Variants in ABCA13 observed in about 807,000 individuals in gnomAD.
ABCA13 encodes the protein ATP-binding cassette sub-family A member 13.
A neutral mutation model predicts 478.7 loss-of-function variants in ABCA13; 476 were observed. The observed-to-expected ratio is 0.99, with a 90% CI of 0.92 to 1.07. The LOEUF (loss-of-function observed/expected upper bound fraction) is 1.07. ABCA13 is among the 50% of genes least tolerant of loss of function. The pLI, the probability that ABCA13 is intolerant of heterozygous loss-of-function variation, is 0.00. For synonymous variants in ABCA13, 2,252 were observed against 2,158.9 expected (o/e 1.04, Z -1.20); for missense variants, 6,060 against 5,910.6 (o/e 1.03, Z -0.83).
At chr7:48,627,124 T>C in intron 59 of ABCA13, 1 of 857,674 alleles carries the variant, frequency 1.2e-6, no homozygotes, top group Non-Finnish European at 1.4e-6. Flanking sequence ...TTATTTAATC[T>C]TTATTACGTA....
chr7:48,390,200 A>G (rs530968239), intron 37 of ABCA13, among the ~76,000 whole-genome samples: 1 of 152,302 alleles, frequency 6.6e-6, no homozygotes, highest in Admixed American at 6.5e-5. Flanking sequence ...CTTGTTTAGC[A>G]GAATGATGAG....
intron 55 of ABCA13, among the ~76,000 whole-genome samples, chr7:48,579,152 A>C (rs558141338): frequency 8.5e-5 from 13 of 152,376 alleles, no homozygotes; most frequent in Admixed American, 3.9e-4. Flanking sequence ...TCATTAAAGT[A>C]CATTTCTGCT....
chr7:48,391,851 C>T (rs902355226), intron 37 of ABCA13, 70 bp from the exon 38 acceptor site: 1 of 1,452,424 alleles, frequency 6.9e-7, no homozygotes, highest in Non-Finnish European at 9.5e-7. Flanking sequence ...CATCCTGGAG[C>T]TGACTGGATT....
In ABCA13 at chr7:48,646,575, A is replaced by G. The variant is rs1795448433; in HGVS notation, c.*1063A>G. 6.6e-6 allele frequency: 1 copy of G among 151,552 alleles called. No individual in the cohort carries two copies. The highest frequency in any genetic ancestry group is 2.1e-4 in the South Asian group (1 of 4,804). 9.4% of individuals were successfully genotyped at this position (151,552 alleles called of 1,614,324 possible). A position where few individuals can be genotyped will look rare whatever the true frequency, so the allele number is the denominator to read the frequency against. On this transcript the variant is annotated 3_prime_UTR_variant, in exon 62 of 62. Coordinates refer to ENST00000435803, the MANE Select transcript of ABCA13 (RefSeq NM_152701.5). ...CGCTCTGTCACCCAGGCTGGAGTGC[A>G]GTGGCGCGATGTCGGCTCACTGCAA...
At chr7:48,300,574 A>G (rs1253080868) in intron 23 of ABCA13, among the ~76,000 whole-genome samples, 2 of 152,250 alleles carry the variant, frequency 1.3e-5, no homozygotes, top group Non-Finnish European at 2.9e-5. Flanking sequence ...ATGAAGAGCT[A>G]TATGAGAGTC....
intron 59 of ABCA13, among the ~76,000 whole-genome samples, chr7:48,633,424 C>T (rs188821802): frequency 5.9e-4 from 90 of 152,076 alleles, no homozygotes; most frequent in African/African-American, 1.8e-3. Context: ...CAAATTGGAC[C>T]TAATAGGCAT....
At chr7:48,445,070 G>A (rs1286589921) in intron 42 of ABCA13, among the ~76,000 whole-genome samples, 11 of 150,246 alleles carry the variant, frequency 7.3e-5, no homozygotes, top group African/African-American at 2.7e-4. Context: ...GTGCAATGGC[G>A]AGATCTCAGC....
intron 24 of ABCA13, among the ~76,000 whole-genome samples, chr7:48,310,792 GAGCTGGGGCAAGCCCAGGCCC>G (rs1245257601): frequency 5.9e-5 from 9 of 152,132 alleles, no homozygotes; most frequent in African/African-American, 2.2e-4. Context: ...AAGTGAGGAG[GAGCTGGGGCAAGCCCAGGCCC>G]AGCACTTTCC....
At chr7:48,174,965 CCTT>C (rs1271886153) in intron 1 of ABCA13, among the ~76,000 whole-genome samples, 1 of 152,158 alleles carries the variant, frequency 6.6e-6, no homozygotes, top group Non-Finnish European at 1.5e-5. Context: ...GAAGGACACA[CCTT>C]CTCCTGGATC....
chr7:48,216,714 A>G (rs1359833191), intron 3 of ABCA13, among the ~76,000 whole-genome samples: 1 of 151,772 alleles, frequency 6.6e-6, no homozygotes, highest in Non-Finnish European at 1.5e-5. Flanking sequence ...TATACAGTTT[A>G]GCTTTTACAT....
intron 24 of ABCA13, among the ~76,000 whole-genome samples, chr7:48,310,702 G>A (rs912176842): frequency 1.3e-5 from 2 of 152,144 alleles, no homozygotes; most frequent in African/African-American, 4.8e-5. Flanking sequence ...ATGATCCTCT[G>A]ACAAGCAGCA....
In ABCA13 at chr7:48,317,313, G is replaced by A. The variant is rs1046386078; in HGVS notation, c.9999+17G>A. 1 of 1,609,080 alleles carries A rather than the reference G, an allele frequency of 6.2e-7. No homozygotes were observed. The highest frequency in any genetic ancestry group is 1.3e-5 in the African/African-American group (1 of 74,792). On this transcript the variant is annotated intron_variant, in intron 27 of 61. Coordinates refer to ENST00000435803, the MANE Select transcript of ABCA13 (RefSeq NM_152701.5). ...ATTCAAAAGGTAAGTTAAAATAAAT[G>A]AGAATCATATAGACCATACATACAC...
intron 48 of ABCA13, among the ~76,000 whole-genome samples, chr7:48,498,435 C>G (rs904073945): frequency 6.6e-6 from 1 of 152,052 alleles, no homozygotes; most frequent in Non-Finnish European, 1.5e-5. Context: ...TTGTTGAAGT[C>G]TTATAGTCTC....
Position 48,615,397 on chromosome 7 carries a change from T to C in ABCA13, c.14837+20T>C. The C allele has an allele frequency of 1.3e-6, 2 of 1,546,584 alleles. No individual in the cohort carries two copies. The highest frequency in any genetic ancestry group is 1.8e-6 in the Non-Finnish European group (2 of 1,141,678). ...AAATAGGTGCGTTGAAGTTCTCCTTTTGCTTAGATATTTACTATGAAATCA... is the reference window on the plus strand; with the variant it reads ...AAATAGGTGCGTTGAAGTTCTCCTTCTGCTTAGATATTTACTATGAAATCA... On this transcript the variant is annotated intron_variant, in intron 59 of 61. Transcript: ENST00000435803.
In ABCA13 at chr7:48,275,649, C is replaced by A; in HGVS notation, c.5983C>A (p.Gln1995Lys). 6.2e-7 allele frequency: 1 copy of A among 1,601,174 alleles called. No individual in the cohort carries two copies. Among genetic ancestry groups the A allele is most frequent in the South Asian group, 1.1e-5 (1 of 89,712 alleles). Residue 1995 changes from glutamine (Q) to lysine (K), a missense_variant, in exon 17 of 62, where the codon CAA (glutamine) becomes AAA (lysine). Coordinates refer to ENST00000435803, the MANE Select transcript of ABCA13 (RefSeq NM_152701.5). ...NINEDTETSV[Q>K]NIISSNLERT... ...TAATGAAGACACAGAGACATCTGTT[C>A]AAAATATTATTTCCTCAAATTTGGA...
intron 43 of ABCA13, among the ~76,000 whole-genome samples, chr7:48,462,668 C>T (rs1826394861): frequency 6.6e-6 from 1 of 152,044 alleles, no homozygotes; most frequent in African/African-American, 2.4e-5. Flanking sequence ...AGCACCACAT[C>T]TGGCTCATTT....
chr7:48,622,325 A>G (rs548965861), intron 59 of ABCA13, among the ~76,000 whole-genome samples: 33 of 152,168 alleles, frequency 2.2e-4, no homozygotes, highest in African/African-American at 7.9e-4. Context: ...TCTAGCCTGG[A>G]CCCAGTTTAC....
chr7:48,425,773 C>T lies in ABCA13; in HGVS notation c.12460-1993C>T, dbSNP rs572995854. 3.4e-5 allele frequency among the ~76,000 whole-genome samples: 5 copies of T among 147,132 alleles called. No homozygotes were observed. The East Asian group carries it at 6.0e-4, about 18-fold the overall frequency. ...TATTTATTTTTTCGAGATGGAGTCT[C>T]GCTGTCGCCCAGGTTGGAGTGCAGT... On this transcript the variant is annotated intron_variant, in intron 41 of 61. Transcript: ENST00000435803.
At chr7:48,497,008 T>C (rs1453593915) in intron 48 of ABCA13, among the ~76,000 whole-genome samples, 1 of 152,024 alleles carries the variant, frequency 6.6e-6, no homozygotes, top group African/African-American at 2.4e-5. Flanking sequence ...AGCTGTTATG[T>C]CTTTGAACAC....
Sources: allele counts gnomAD v4.1 joint callset (sites outside exome capture counted in the v4.1 genomes callset), GRCh38; gene constraint gnomAD v4.1.1; transcripts MANE v1.5; gene names NCBI Gene and HGNC (gene_info 2026-07-23, HGNC 2026-07-21).